PCDHGA4: variants seen among roughly 807,000 people sequenced by gnomAD.
PCDHGA4 encodes protocadherin gamma subfamily A, 4.
In PCDHGA4, 38 loss-of-function variants were observed where a neutral mutation model predicts 54.6. The ratio of observed to expected loss-of-function variants is 0.70; its 90% CI spans 0.54 to 0.91. The LOEUF is 0.91. Among genes scored for constraint, PCDHGA4 ranks in the 40% least tolerant of loss-of-function variants. The probability of loss-of-function intolerance (pLI) is 0.00; values close to 1 mark genes in which losing one functional copy is unlikely to be tolerated. For missense variants in PCDHGA4, 1,298 were observed against 1,220.9 expected (o/e 1.06, Z -0.94); for synonymous variants, 511 against 512.9 (o/e 1.00, Z 0.05).
intron 1 of PCDHGA4, chr5:141,393,264 C>A (rs537186931): frequency 6.2e-7 from 1 of 1,613,916 alleles, no homozygotes. Flanking sequence ...TCCTGGAGCA[C>A]GTTATCCACT....
rs1562150111 is a variant in PCDHGA4, at chr5:141,491,805, T to G, written c.2515-3002T>G. 1 of 1,495,892 alleles carries G rather than the reference T, an allele frequency of 6.7e-7. No homozygotes were observed. 92.7% of individuals were successfully genotyped at this position (1,495,892 alleles called of 1,614,324 possible). A position where few individuals can be genotyped will look rare whatever the true frequency, so the allele number is the denominator to read the frequency against. On this transcript the variant is annotated intron_variant, in intron 1 of 3. Coordinates refer to ENST00000571252, the MANE Select transcript of PCDHGA4 (RefSeq NM_018917.4). This position sits in a 1 kb window ranked among gnomAD's most constrained non-coding sequence, Gnocchi z 6.9. ...TGCATCCACTCCTCTCCGGCCGGCT[T>G]GGTCGCTGGCTGCGCTCCACCCGAT... is the stretch of plus-strand genomic sequence containing the variant.
At chr5:141,399,512 C>T (rs2093823931) in intron 1 of PCDHGA4, 1 of 1,614,044 alleles carries the variant, frequency 6.2e-7, no homozygotes, top group East Asian at 2.2e-5. Context: ...GAAAACAACC[C>T]TCCTGGGGCC....
At position 141,355,297 on chromosome 5, in the gene PCDHGA4, T is replaced by C; in HGVS notation, c.190T>C (p.Tyr64His). 1.2e-6 allele frequency: 2 copies of C among 1,613,906 alleles called. No individual in the cohort carries two copies. The highest frequency in any genetic ancestry group is 1.1e-5 in the South Asian group (1 of 91,076). The change falls in exon 1 of 4, where the codon TAC becomes CAC. Residue 64 changes from tyrosine (Y) to histidine (H), a missense_variant. Tyr to His is a moderately conservative substitution (Grantham distance 83). Coordinates refer to ENST00000571252, the MANE Select transcript of PCDHGA4 (RefSeq NM_018917.4). ...LVEIRAEQIL[Y>H]SVFEEQEEGS... ...GGAAATCAGGGCCGAACAGATTCTC[T>C]ACTCGGTGTTTGAGGAGCAGGAAGA...
intron 1 of PCDHGA4, chr5:141,376,465 T>A: frequency 1.9e-6 from 3 of 1,614,178 alleles, no homozygotes; most frequent in East Asian, 2.2e-5. Flanking sequence ...TTCTGATAAC[T>A]CAGGATTTAC....
At chr5:141,422,480 G>A in intron 1 of PCDHGA4, 2 of 1,613,906 alleles carry the variant, frequency 1.2e-6, no homozygotes, top group South Asian at 2.2e-5. Flanking sequence ...TTGGTCCAGA[G>A]CTACAATATA....
chr5:141,361,214 C>A, intron 1 of PCDHGA4: 1 of 1,613,912 alleles, frequency 6.2e-7, no homozygotes, highest in Non-Finnish European at 8.5e-7. Context: ...CCGGAGGATT[C>A]GCCACCAGGA....
chr5:141,499,616 C>T (rs538268323), intron 2 of PCDHGA4, among the ~76,000 whole-genome samples: 2 of 152,058 alleles, frequency 1.3e-5, no homozygotes, highest in South Asian at 4.2e-4. Context: ...CTTATCCTGT[C>T]CTTGGATTCT....
At chr5:141,364,394 A>G in intron 1 of PCDHGA4, 2 of 1,603,510 alleles carry the variant, frequency 1.2e-6, no homozygotes, top group South Asian at 1.1e-5. Context: ...GCTCCTGGGG[A>G]CGCTGTGCGA....
intron 1 of PCDHGA4, chr5:141,366,677 G>C (rs781103707): frequency 6.2e-7 from 1 of 1,614,148 alleles, no homozygotes; most frequent in Non-Finnish European, 8.5e-7. Context: ...CCTTAGTGAA[G>C]AGAGCTGTGA....
At chr5:141,369,788 C>G (rs187476843) in intron 1 of PCDHGA4, among the ~76,000 whole-genome samples, 1 of 152,338 alleles carries the variant, frequency 6.6e-6, no homozygotes, top group East Asian at 1.9e-4. Context: ...CCTCTTTATA[C>G]TACGTCTTCT....
At chr5:141,365,169 C>G (rs1419653105) in intron 1 of PCDHGA4, 1 of 1,613,808 alleles carries the variant, frequency 6.2e-7, no homozygotes, top group Non-Finnish European at 8.5e-7. Context: ...TTGACCTACT[C>G]TTTTCGCAAT....
chr5:141,389,977 CAG>C (rs1303197054), intron 1 of PCDHGA4: 1 of 1,613,936 alleles, frequency 6.2e-7, no homozygotes, highest in Non-Finnish European at 8.5e-7. Flanking sequence ...GCCTTGATCT[CAG>C]TGCTCTTCCT....
chr5:141,504,988 C>T (rs886919738), intron 2 of PCDHGA4, among the ~76,000 whole-genome samples: 2 of 152,036 alleles, frequency 1.3e-5, no homozygotes, highest in African/African-American at 4.8e-5. Context: ...ATGGTGAAAC[C>T]CCGTCTGTAC....
chr5:141,476,747 C>A lies in PCDHGA4; in HGVS notation c.2515-18060C>A. 1 of 1,614,066 alleles carries A rather than the reference C, an allele frequency of 6.2e-7. No homozygotes were observed. The highest frequency in any genetic ancestry group is 1.3e-5 in the African/African-American group (1 of 75,074). On this transcript the variant is annotated intron_variant, in intron 1 of 3. Transcript: ENST00000571252. The surrounding 1 kb of genome is among the most constrained non-coding windows in gnomAD (Gnocchi z 7.6). ...GGACCGAGAACGGGAGCCTAGTCTCCAGTTAGTGCTGACGGCGTTGGACGG... is the reference window on the plus strand; with the variant it reads ...GGACCGAGAACGGGAGCCTAGTCTCAAGTTAGTGCTGACGGCGTTGGACGG...
chr5:141,422,790 C>G, intron 1 of PCDHGA4: 1 of 1,614,060 alleles, frequency 6.2e-7, no homozygotes, highest in South Asian at 1.1e-5. Context: ...TACAATCCTT[C>G]GACTATGAGC....
chr5:141,374,169 C>A, intron 1 of PCDHGA4: 1 of 1,613,236 alleles, frequency 6.2e-7, no homozygotes, highest in African/African-American at 1.3e-5. Context: ...GCCGCGGCAG[C>A]GCAGATCCGC....
chr5:141,403,530 AG>A (rs1303990777), intron 1 of PCDHGA4: 2 of 1,613,988 alleles, frequency 1.2e-6, no homozygotes. Context: ...ATAAACCCAG[AG>A]CTGGTGCTGG....
intron 2 of PCDHGA4, among the ~76,000 whole-genome samples, chr5:141,501,200 G>A (rs888856586): frequency 1.3e-5 from 2 of 151,854 alleles, no homozygotes; most frequent in African/African-American, 4.8e-5. Context: ...AATTCAGGGT[G>A]TTGTCAGGGT....
intron 1 of PCDHGA4, among the ~76,000 whole-genome samples, chr5:141,472,402 G>A (rs569497172): frequency 8.5e-5 from 13 of 152,160 alleles, no homozygotes; most frequent in South Asian, 2.1e-4. Context: ...TTAGCCAGGC[G>A]TGGTGGCACG....
Sources: allele counts gnomAD v4.1 joint callset (sites outside exome capture counted in the v4.1 genomes callset), GRCh38; gene constraint gnomAD v4.1.1; non-coding constraint Gnocchi (gnomAD v3.1); transcripts MANE v1.5; gene names NCBI Gene and HGNC (gene_info 2026-07-23, HGNC 2026-07-21).